XRCC5: variants seen among roughly 807,000 people sequenced by gnomAD.
The protein encoded by XRCC5 is DNA repair protein Ku80.
Under a neutral mutation model 95.7 loss-of-function variants are expected in XRCC5, and 12 were observed. The observed-to-expected ratio is 0.13, with a 90% CI of 0.08 to 0.20. XRCC5 has a LOEUF of 0.20. Among genes scored for constraint, XRCC5 ranks in the 10% least tolerant of loss-of-function variants. XRCC5 has a pLI of 1.00. For synonymous variants in XRCC5, 281 were observed against 290.3 expected (o/e 0.97, Z 0.33); for missense variants, 595 against 873.9 (o/e 0.68, Z 4.02).
chr2:216,127,840 T>C, intron 8 of XRCC5, 166 bp downstream of exon 8: 1 of 698,692 alleles, frequency 1.4e-6, no homozygotes, highest in Non-Finnish European at 2.1e-6. Flanking sequence ...GCTCATTTGT[T>C]GGGTCTTAGG....
At chr2:216,144,654 A>C (rs1185899292) in intron 13 of XRCC5, among the ~76,000 whole-genome samples, 1 of 152,222 alleles carries the variant, frequency 6.6e-6, no homozygotes, top group Non-Finnish European at 1.5e-5. Flanking sequence ...ATTTATTTTC[A>C]CAAGTGTTAA....
rs41296398 is a variant in XRCC5, at chr2:216,140,954, G to A, written c.1343-232G>A. ...TTTGATCTGATACTCCATTGTCAGA[G>A]GCTCACTGAATGGTAGAACTGGAAC... On this transcript the variant is annotated intron_variant, in intron 12 of 20. Transcript: ENST00000392132. Among the ~76,000 whole-genome samples the A allele has an allele frequency of 1.4e-4, 22 of 152,272 alleles. No homozygotes were observed. In the East Asian group the frequency reaches 4.0e-3, roughly 28 times the overall value.
chr2:216,190,482 GAC>G (rs1192608078), intron 17 of XRCC5, 148 bp downstream of exon 17: 3 of 580,362 alleles, frequency 5.2e-6, no homozygotes, highest in Non-Finnish European at 8.7e-6. Flanking sequence ...AGCTAAAAAT[GAC>G]TTAAATTCAT....
In XRCC5 at chr2:216,138,192, T is replaced by C; in HGVS notation, c.1342+13T>C. 1.2e-6 allele frequency: 2 copies of C among 1,605,880 alleles called. No homozygotes were observed. The highest frequency in any genetic ancestry group is 3.3e-5 in the Admixed American group (2 of 59,888). On this transcript the variant is annotated intron_variant, in intron 12 of 20. Coordinates refer to ENST00000392132, the MANE Select transcript of XRCC5 (RefSeq NM_021141.4). The stretch of plus-strand genomic sequence containing the variant: ...TATGCTCCCACCGGTGAGTTTGTTT[T>C]CATTTAGATCACTCATTGACTACAC...
At chr2:216,190,180 C>A in intron 16 of XRCC5, 45 bp from the exon 17 acceptor site, 1 of 1,532,986 alleles carries the variant, frequency 6.5e-7, no homozygotes, top group Non-Finnish European at 9.0e-7. Context: ...TACCCTCTCT[C>A]AGGCATCACT....
chr2:216,181,879 A>G (rs1689395610), intron 16 of XRCC5, among the ~76,000 whole-genome samples: 1 of 152,200 alleles, frequency 6.6e-6, no homozygotes, highest in Non-Finnish European at 1.5e-5. Context: ...GACCTCTAGA[A>G]TACTGTAAAA....
At chr2:216,196,541 C>T (rs200006016) in intron 19 of XRCC5, among the ~76,000 whole-genome samples, 3 of 152,150 alleles carry the variant, frequency 2.0e-5, no homozygotes, top group Non-Finnish European at 4.4e-5. Context: ...TACACACACA[C>T]ATATATATAG....
At chr2:216,153,968 A>G (rs1338902017) in intron 14 of XRCC5, among the ~76,000 whole-genome samples, 2 of 152,144 alleles carry the variant, frequency 1.3e-5, no homozygotes, top group African/African-American at 2.4e-5. Flanking sequence ...TCTTCATGCT[A>G]TTATTCTCTA....
intron 10 of XRCC5, 102 bp downstream of exon 10, chr2:216,132,489 C>T (rs1283812840): frequency 2.3e-5 from 27 of 1,184,572 alleles, no homozygotes; most frequent in South Asian, 7.5e-5. Context: ...GACATGAATT[C>T]TTGCAATAGG....
At chr2:216,187,486 G>GTT (rs1401081863) in intron 16 of XRCC5, among the ~76,000 whole-genome samples, 2 of 104,308 alleles carry the variant, frequency 1.9e-5, no homozygotes, top group Non-Finnish European at 3.9e-5. Flanking sequence ...GTGTGTGTGT[G>GTT]TGTGTGTGTG....
chr2:216,127,068 C>G (rs1415228092), intron 7 of XRCC5, among the ~76,000 whole-genome samples: 1 of 152,020 alleles, frequency 6.6e-6, no homozygotes, highest in Non-Finnish European at 1.5e-5. Flanking sequence ...CCTGGTCAAC[C>G]TGTCTCTACT....
intron 16 of XRCC5, among the ~76,000 whole-genome samples, chr2:216,182,625 A>G (rs1478963196): frequency 6.6e-6 from 1 of 152,204 alleles, no homozygotes; most frequent in African/African-American, 2.4e-5. Context: ...TATGGCATAT[A>G]TATTTCCTAA....
intron 16 of XRCC5, among the ~76,000 whole-genome samples, chr2:216,163,753 TTA>T (rs1688998184): frequency 6.6e-6 from 1 of 152,190 alleles, no homozygotes; most frequent in African/African-American, 2.4e-5. Context: ...CAGAGAGAGC[TTA>T]CAGTCTACCA....
At chr2:216,114,818 T>A (rs982161738) in intron 2 of XRCC5, among the ~76,000 whole-genome samples, 1 of 152,164 alleles carries the variant, frequency 6.6e-6, no homozygotes, top group Non-Finnish European at 1.5e-5. Flanking sequence ...AAGCTGCCTC[T>A]GGGGGCGCTC....
chr2:216,181,973 G>C (rs765963563), intron 16 of XRCC5, among the ~76,000 whole-genome samples: 5 of 152,144 alleles, frequency 3.3e-5, no homozygotes, highest in Admixed American at 6.5e-5. Context: ...GAAAAATACC[G>C]TATAAACCAA....
At chr2:216,144,220 G>A (rs1054490051) in intron 13 of XRCC5, among the ~76,000 whole-genome samples, 3 of 152,192 alleles carry the variant, frequency 2.0e-5, no homozygotes, top group African/African-American at 7.2e-5. Context: ...GGTAAGGAGG[G>A]CATGCCATGC....
At position 216,130,795 on chromosome 2, in the gene XRCC5, A is replaced by AATGT. The variant is rs1696983342; in HGVS notation, c.938-76_938-73dup. ...TGCTCTGGCGTGTGCGTGTGTTGTT[A>AATGT]ATGTATGCATGGAACTAATTTCAGC... On this transcript the variant is annotated intron_variant, in intron 8 of 20. Transcript: ENST00000392132. 4 of 854,942 alleles carry AATGT rather than the reference A, an allele frequency of 4.7e-6. No individual in the cohort carries two copies. The Admixed American group carries it at 1.0e-4, about 22-fold the overall frequency. The allele number at this position is 854,942 out of a possible 1,614,324, so 53.0% of individuals were successfully genotyped here. A position where few individuals can be genotyped will look rare whatever the true frequency, so the allele number is the denominator to read the frequency against.
intron 12 of XRCC5, among the ~76,000 whole-genome samples, chr2:216,140,087 G>T (rs1031020846): frequency 6.6e-6 from 1 of 152,198 alleles, no homozygotes; most frequent in African/African-American, 2.4e-5. Context: ...CCCCCTACCT[G>T]TTGCTGGGAG....
Position 216,125,911 on chromosome 2 carries a change from A to G in XRCC5, c.684-6A>G. 1 of 1,609,408 alleles carries G rather than the reference A, an allele frequency of 6.2e-7. No individual in the cohort carries two copies. Among genetic ancestry groups the G allele is most frequent in the South Asian group, 1.1e-5 (1 of 90,876 alleles). ...TTGCTTTCATTTTATATTTTTCTTT[A>G]TTAAGTGAGAGTCTGAGAAAACTGT... On this transcript the variant is annotated splice_polypyrimidine_tract_variant and splice_region_variant and intron_variant, in intron 6 of 20. Coordinates refer to ENST00000392132, the MANE Select transcript of XRCC5 (RefSeq NM_021141.4).
Sources: allele counts gnomAD v4.1 joint callset (sites outside exome capture counted in the v4.1 genomes callset), GRCh38; gene constraint gnomAD v4.1.1; transcripts MANE v1.5; gene names NCBI Gene and HGNC (gene_info 2026-07-23, HGNC 2026-07-21).